Variants in CACNA1I observed in about 807,000 individuals in gnomAD.
CACNA1I encodes voltage-dependent T-type calcium channel subunit alpha-1I.
Under a neutral mutation model 201.6 loss-of-function variants are expected in CACNA1I, and 74 were observed. The ratio of observed to expected loss-of-function variants is 0.37; its 90% CI spans 0.30 to 0.45. CACNA1I has a LOEUF of 0.45. CACNA1I is among the 20% of genes least tolerant of loss of function. The pLI, the probability that CACNA1I is intolerant of heterozygous loss-of-function variation, is 1.00. For synonymous variants in CACNA1I, 1,431 were observed against 1,345.2 expected (o/e 1.06, Z -1.40); for missense variants, 2,346 against 3,138.1 (o/e 0.75, Z 6.03).
chr22:39,619,973 A>G (rs1569065345), intron 4 of CACNA1I, among the ~76,000 whole-genome samples: 3 of 151,296 alleles, frequency 2.0e-5, no homozygotes, highest in Admixed American at 6.6e-5. Flanking sequence ...CCATCCATCC[A>G]TCCATCCATC....
At chr22:39,631,936 A>C (rs1934074286) in intron 4 of CACNA1I, among the ~76,000 whole-genome samples, 1 of 151,958 alleles carries the variant, frequency 6.6e-6, no homozygotes, top group Non-Finnish European at 1.5e-5. Flanking sequence ...TAATTATGCC[A>C]GGGCTCTGTG....
chr22:39,595,782 A>G (rs1423763190), intron 1 of CACNA1I, among the ~76,000 whole-genome samples: 1 of 152,078 alleles, frequency 6.6e-6, no homozygotes, highest in African/African-American at 2.4e-5. Flanking sequence ...ACGGCAGATA[A>G]TGAGGGACAA....
chr22:39,637,248 C>G (rs999960125), intron 5 of CACNA1I, among the ~76,000 whole-genome samples: 1 of 152,144 alleles, frequency 6.6e-6, no homozygotes, highest in African/African-American at 2.4e-5. Context: ...AAGCCCAGAG[C>G]GGGTACAAGA....
chr22:39,681,179 A>G (rs773911286), intron 34 of CACNA1I, 127 bp downstream of exon 34: 14 of 1,099,550 alleles, frequency 1.3e-5, no homozygotes, highest in Non-Finnish European at 1.8e-5. Context: ...CTAGGCCTTC[A>G]TCTCCTGTTG....
chr22:39,599,310 C>T (rs1457499844), intron 2 of CACNA1I, among the ~76,000 whole-genome samples: 1 of 149,348 alleles, frequency 6.7e-6, no homozygotes, highest in Non-Finnish European at 1.5e-5. Context: ...AGAGTCTCCC[C>T]GGGCACTTGG....
chr22:39,669,090 G>A (rs1425959390), intron 24 of CACNA1I, among the ~76,000 whole-genome samples: 1 of 152,138 alleles, frequency 6.6e-6, no homozygotes, highest in Non-Finnish European at 1.5e-5. Flanking sequence ...CAAGACGTGT[G>A]GCTGACCAAG....
chr22:39,639,500 G>C (rs1934301039), intron 5 of CACNA1I, among the ~76,000 whole-genome samples: 1 of 152,022 alleles, frequency 6.6e-6, no homozygotes, highest in Non-Finnish European at 1.5e-5. Flanking sequence ...TAATCCACTG[G>C]AAGTTTACTG....
In CACNA1I at chr22:39,685,820, G is replaced by T; in HGVS notation, c.6087G>T (p.Gln2029His). 6.7e-7 allele frequency: 1 copy of T among 1,497,030 alleles called. No individual in the cohort carries two copies. Among genetic ancestry groups the T allele is most frequent in the Non-Finnish European group, 8.8e-7 (1 of 1,130,848 alleles). The allele number at this position is 1,497,030 out of a possible 1,614,324, so 92.7% of individuals were successfully genotyped here. Reference protein sequence around the residue: ...ASPSSSAGSLQTTLEDSLTLS... With the variant: ...ASPSSSAGSLHTTLEDSLTLS... The stretch of plus-strand genomic sequence containing the variant: ...CCAGCAGCTCCGCGGGCAGCCTGCA[G>T]ACCACGCTCGAGGACAGCCTGACCC... The change falls in exon 37 of 37, where the codon CAG (glutamine) becomes CAT (histidine). Residue 2029 changes from glutamine (Q) to histidine (H), a missense_variant. This residue lies in a region of CACNA1I where 441 missense variants were observed against 555.6 expected (regional missense o/e 0.79). Coordinates refer to ENST00000402142, the MANE Select transcript of CACNA1I (RefSeq NM_021096.4). This position sits in a 1 kb window ranked among gnomAD's most constrained non-coding sequence, Gnocchi z 5.0.
At chr22:39,585,990 C>T (rs946569545) in intron 1 of CACNA1I, among the ~76,000 whole-genome samples, 1 of 151,646 alleles carries the variant, frequency 6.6e-6, no homozygotes, top group African/African-American at 2.4e-5. Context: ...CTCTCCTGGC[C>T]AACATGGTGA....
intron 6 of CACNA1I, 78 bp downstream of exon 6, chr22:39,641,260 C>A: frequency 2.4e-6 from 3 of 1,253,188 alleles, no homozygotes; most frequent in Non-Finnish European, 3.4e-6. Context: ...CTGTGCTAGG[C>A]ATTTGCCAGC....
Position 39,648,359 on chromosome 22 carries a change from G to C in CACNA1I, c.1567+433G>C, listed in dbSNP as rs1047871777. On this transcript the variant is annotated intron_variant, in intron 9 of 36. Coordinates refer to ENST00000402142, the MANE Select transcript of CACNA1I (RefSeq NM_021096.4). This position sits in a 1 kb window ranked among gnomAD's most constrained non-coding sequence, Gnocchi z 5.4. Reference sequence around the variant, plus strand: ...TGTTGCTGGAGGACGTGGGGGAGAAGTGTTCACTCCAACGGGCTTCCTGCG... The same window carrying C: ...TGTTGCTGGAGGACGTGGGGGAGAACTGTTCACTCCAACGGGCTTCCTGCG... 6.6e-6 allele frequency among the ~76,000 whole-genome samples: 1 copy of C among 152,160 alleles called. No homozygotes were observed. The highest frequency in any genetic ancestry group is 2.4e-5 in the African/African-American group (1 of 41,452).
chr22:39,624,684 T>A (rs1163186029), intron 4 of CACNA1I, among the ~76,000 whole-genome samples: 1 of 152,186 alleles, frequency 6.6e-6, no homozygotes, highest in African/African-American at 2.4e-5. Flanking sequence ...AACCCTCATT[T>A]CGCGGGACAG....
At chr22:39,660,941 G>T (rs1934986784) in intron 15 of CACNA1I, among the ~76,000 whole-genome samples, 167 bp from the exon 16 acceptor site, 4 of 152,134 alleles carry the variant, frequency 2.6e-5, no homozygotes, top group Admixed American at 2.6e-4. Flanking sequence ...GCGAAGGGGA[G>T]GCACTGTGAT....
chr22:39,621,699 A>G (rs1270298415), intron 4 of CACNA1I, among the ~76,000 whole-genome samples: 2 of 151,912 alleles, frequency 1.3e-5, no homozygotes, highest in Admixed American at 6.6e-5. Flanking sequence ...CCTCAGTGCT[A>G]CTGTGAGGGT....
intron 1 of CACNA1I, among the ~76,000 whole-genome samples, chr22:39,583,197 A>AATCCATCCATCCATCCATCCAACAATCC (rs1932634627): frequency 3.3e-5 from 4 of 119,682 alleles, no homozygotes; most frequent in African/African-American, 1.4e-4. Flanking sequence ...TCTATCCAAC[A>AATCCATCCATCCATCCATCCAACAATCC]ATCCATCCAT....
Position 39,649,039 on chromosome 22 carries a change from A to G in CACNA1I, c.1568-462A>G, listed in dbSNP as rs1048706715. Among the ~76,000 whole-genome samples the G allele has an allele frequency of 6.6e-6, 1 of 152,152 alleles. No homozygotes were observed. Among genetic ancestry groups the G allele is most frequent in the Non-Finnish European group, 1.5e-5 (1 of 68,022 alleles). On this transcript the variant is annotated intron_variant, in intron 9 of 36. Coordinates refer to ENST00000402142, the MANE Select transcript of CACNA1I (RefSeq NM_021096.4). This position sits in a 1 kb window ranked among gnomAD's most constrained non-coding sequence, Gnocchi z 7.3. ...CCCTTCCCCGCTCCCCACCTGCTGT[A>G]TAGGCAGGAGACTTGAGAACACCAA...
At chr22:39,679,916 A>T (rs1880367024) in intron 33 of CACNA1I, 48 bp downstream of exon 33, 1 of 1,575,456 alleles carries the variant, frequency 6.3e-7, no homozygotes, top group Non-Finnish European at 8.6e-7. Context: ...GGGCAGCACG[A>T]AACCTGGTGG....
intron 31 of CACNA1I, 150 bp from the exon 32 acceptor site, chr22:39,678,957 C>G: frequency 1.6e-6 from 1 of 619,886 alleles, no homozygotes; most frequent in Middle Eastern, 4.1e-4. Context: ...GATGCCGCAA[C>G]AAGGCAGAGT....
chr22:39,616,023 C>T (rs1933525270), intron 3 of CACNA1I, among the ~76,000 whole-genome samples: 1 of 152,196 alleles, frequency 6.6e-6, no homozygotes, highest in African/African-American at 2.4e-5. Flanking sequence ...CTGAGGGCTG[C>T]ACCTGGTGGA....
Sources: allele counts gnomAD v4.1 joint callset (sites outside exome capture counted in the v4.1 genomes callset), GRCh38; gene constraint gnomAD v4.1.1; regional missense constraint gnomAD v4.1.1; non-coding constraint Gnocchi (gnomAD v3.1); transcripts MANE v1.5; gene names NCBI Gene and HGNC (gene_info 2026-07-23, HGNC 2026-07-21).